The following PTPRG variants were observed in gnomAD, a reference collection of about 807,000 sequenced individuals.
PTPRG encodes the protein protein tyrosine phosphatase receptor type G.
A neutral mutation model predicts 165.3 loss-of-function variants in PTPRG; 102 were observed. The ratio of observed to expected loss-of-function variants is 0.62; its 90% CI spans 0.53 to 0.73. The LOEUF is 0.73. Ranked by LOEUF, PTPRG falls within the 30% of genes least tolerant of loss-of-function variation. The pLI is 0.00. For missense variants in PTPRG, 1,866 were observed against 1,861.4 expected (o/e 1.00, Z -0.05); for synonymous variants, 675 against 669.5 (o/e 1.01, Z -0.13).
chr3:62,132,584 T>G lies in PTPRG; in HGVS notation c.616-18T>G. ...ATGCCAGAATAGATTTAACCAATCA[T>G]GTTTCCTTTACATTTAGGTCAGTCC... is the stretch of plus-strand genomic sequence containing the variant. On this transcript the variant is annotated intron_variant, in intron 5 of 29. Coordinates refer to ENST00000474889, the MANE Select transcript of PTPRG (RefSeq NM_002841.4). The G allele has an allele frequency of 6.3e-7, 1 of 1,578,114 alleles. No individual in the cohort carries two copies.
chr3:62,280,044 T>C (rs752023559), intron 26 of PTPRG, among the ~76,000 whole-genome samples: 1 of 152,058 alleles, frequency 6.6e-6, no homozygotes, highest in East Asian at 1.9e-4. Flanking sequence ...GGGATAGAAT[T>C]CAAGGACCAA....
chr3:61,698,912 C>T lies in PTPRG; in HGVS notation c.86-49966C>T, dbSNP rs541346116. Among the ~76,000 whole-genome samples the T allele has an allele frequency of 8.5e-5, 13 of 152,066 alleles. No homozygotes were observed. The South Asian group carries it at 2.5e-3, about 29-fold the overall frequency. On this transcript the variant is annotated intron_variant, in intron 1 of 29. Coordinates refer to ENST00000474889, the MANE Select transcript of PTPRG (RefSeq NM_002841.4). ...GAAACCATCATTCTCAGCAAACTATCGCAAGGACAAAAAACCAAACACTGC... is the reference window on the plus strand; with the variant it reads ...GAAACCATCATTCTCAGCAAACTATTGCAAGGACAAAAAACCAAACACTGC...
At chr3:61,969,285 T>C (rs6798257) in intron 2 of PTPRG, among the ~76,000 whole-genome samples, 36,646 of 152,076 alleles carry the variant, frequency 0.24, 5,048 homozygotes, top group African/African-American at 0.37. Flanking sequence ...CCAAGGTACC[T>C]TGGATGCAGA....
intron 1 of PTPRG, among the ~76,000 whole-genome samples, chr3:61,610,890 T>C (rs1053683582): frequency 1.5e-4 from 23 of 152,182 alleles, no homozygotes; most frequent in African/African-American, 4.1e-4. Flanking sequence ...CACTGCACTG[T>C]CTACCTTCTG....
chr3:62,246,172 A>G (rs765520267), intron 15 of PTPRG, among the ~76,000 whole-genome samples: 11 of 152,182 alleles, frequency 7.2e-5, no homozygotes, highest in Non-Finnish European at 1.3e-4. Flanking sequence ...CATGTATTCA[A>G]TTGTACCTCA....
At chr3:61,590,351 G>A (rs552151077) in intron 1 of PTPRG, among the ~76,000 whole-genome samples, 3 of 151,948 alleles carry the variant, frequency 2.0e-5, no homozygotes, top group Admixed American at 6.5e-5. Flanking sequence ...GCCAAACCCC[G>A]TCTCTATTAA....
At chr3:61,626,396 C>A (rs115486136) in intron 1 of PTPRG, among the ~76,000 whole-genome samples, 3 of 152,066 alleles carry the variant, frequency 2.0e-5, no homozygotes, top group African/African-American at 7.2e-5. Context: ...GATTTGGTAG[C>A]CTGAATTCCA....
At position 61,989,821 on chromosome 3, in the gene PTPRG, T is replaced by G; in HGVS notation, c.370+17T>G. 6.2e-7 allele frequency: 1 copy of G among 1,612,876 alleles called. No individual in the cohort carries two copies. Among genetic ancestry groups the G allele is most frequent in the Non-Finnish European group, 8.5e-7 (1 of 1,179,436 alleles). On this transcript the variant is annotated intron_variant, in intron 3 of 29. Transcript: ENST00000474889. Reference sequence around the variant, plus strand: ...GGAAAACAGGTAGACAATGGCTTCTTTATTTGTCCACAGAGCAACAGGAAC... The same window carrying G: ...GGAAAACAGGTAGACAATGGCTTCTGTATTTGTCCACAGAGCAACAGGAAC...
At chr3:62,091,061 A>C (rs898916515) in intron 5 of PTPRG, among the ~76,000 whole-genome samples, 4 of 152,234 alleles carry the variant, frequency 2.6e-5, no homozygotes, top group Non-Finnish European at 5.9e-5. Flanking sequence ...TTAAAATAAC[A>C]ATGTTGATGA....
At chr3:61,836,821 T>C (rs1010964633) in intron 2 of PTPRG, among the ~76,000 whole-genome samples, 1 of 152,034 alleles carries the variant, frequency 6.6e-6, no homozygotes, top group Non-Finnish European at 1.5e-5. Context: ...CTCGGCTCAC[T>C]GCAACCTCTG....
At position 62,275,891 on chromosome 3, in the gene PTPRG, G is replaced by A; in HGVS notation, c.3484G>A (p.Ala1162Thr). The change falls in exon 24 of 30, where the codon GCA (alanine) becomes ACA (threonine). Residue 1162 changes from alanine to threonine, a missense_variant. By Grantham distance (58) the Ala-to-Thr change is moderately conservative. Coordinates refer to ENST00000474889, the MANE Select transcript of PTPRG (RefSeq NM_002841.4). ...TTTTCAGCTGGTCACACAGTGTAAT[G>A]CAAAATATGTGGAATGTTTCAGTGC... ...KQFKLVTQCN[A>T]KYVECFSAQK... The A allele has an allele frequency of 6.2e-7, 1 of 1,610,182 alleles. No individual in the cohort carries two copies. Among genetic ancestry groups the A allele is most frequent in the Non-Finnish European group, 8.5e-7 (1 of 1,177,542 alleles).
At chr3:61,939,609 T>C (rs1207931858) in intron 2 of PTPRG, among the ~76,000 whole-genome samples, 1 of 152,236 alleles carries the variant, frequency 6.6e-6, no homozygotes, top group Non-Finnish European at 1.5e-5. Flanking sequence ...GGTTTCTAGT[T>C]TTCAATAATA....
At chr3:61,969,927 T>C (rs1175704307) in intron 2 of PTPRG, among the ~76,000 whole-genome samples, 2 of 152,206 alleles carry the variant, frequency 1.3e-5, no homozygotes, top group East Asian at 1.9e-4. Flanking sequence ...TACAACTTAA[T>C]ATGAAACCAG....
intron 1 of PTPRG, among the ~76,000 whole-genome samples, chr3:61,667,094 T>C (rs1702830680): frequency 6.6e-6 from 1 of 152,176 alleles, no homozygotes; most frequent in Admixed American, 6.5e-5. Context: ...GCAGCAGTAA[T>C]TGCTTTAGGA....
At chr3:62,045,128 T>C (rs1199362973) in intron 4 of PTPRG, among the ~76,000 whole-genome samples, 1 of 152,186 alleles carries the variant, frequency 6.6e-6, no homozygotes, top group Non-Finnish European at 1.5e-5. Context: ...GCTTTGCAAT[T>C]GAAAGGTAGC....
chr3:61,804,369 G>A (rs913223300), intron 2 of PTPRG, among the ~76,000 whole-genome samples: 1 of 152,196 alleles, frequency 6.6e-6, no homozygotes, highest in Non-Finnish European at 1.5e-5. Flanking sequence ...TGGGATGTGA[G>A]CTCTGTCACC....
At chr3:61,600,755 G>A (rs1700842100) in intron 1 of PTPRG, among the ~76,000 whole-genome samples, 2 of 151,976 alleles carry the variant, frequency 1.3e-5, no homozygotes, top group Admixed American at 6.6e-5. Context: ...TGCCGAGGCT[G>A]GTCTCAAACT....
intron 1 of PTPRG, among the ~76,000 whole-genome samples, chr3:61,708,283 G>A (rs971703433): frequency 1.3e-5 from 2 of 151,844 alleles, no homozygotes; most frequent in Non-Finnish European, 2.9e-5. Context: ...CTAGTGAAGA[G>A]GGCATGATGT....
intron 1 of PTPRG, among the ~76,000 whole-genome samples, chr3:61,748,326 G>A (rs2033292699): frequency 6.6e-6 from 1 of 152,094 alleles, no homozygotes; most frequent in Admixed American, 6.6e-5. Context: ...ATACCTACTG[G>A]GTGACCTGGG....
Sources: allele counts gnomAD v4.1 joint callset (sites outside exome capture counted in the v4.1 genomes callset), GRCh38; gene constraint gnomAD v4.1.1; transcripts MANE v1.5; gene names NCBI Gene and HGNC (gene_info 2026-07-23, HGNC 2026-07-21).